Variants in GPC5 observed in about 807,000 individuals in gnomAD.
GPC5 encodes glypican-5.
In GPC5, 47 loss-of-function variants were observed where a neutral mutation model predicts 53.9. That is an observed-to-expected ratio of 0.87 (90% CI 0.69 to 1.11). The LOEUF is 1.11. GPC5 is among the 50% of genes most tolerant of loss of function. The pLI, the probability that GPC5 is intolerant of heterozygous loss-of-function variation, is 0.00. For synonymous variants in GPC5, 286 were observed against 263.3 expected, an observed-to-expected ratio of 1.09 and a Z score of -0.84; for missense variants, 748 against 713.1, an observed-to-expected ratio of 1.05 and a Z score of -0.56.
At chr13:92,749,500 T>C (rs1305877337) in intron 7 of GPC5, among the ~76,000 whole-genome samples, 1 of 152,168 alleles carries the variant, frequency 6.6e-6, no homozygotes, top group Admixed American at 6.5e-5. Flanking sequence ...ATTGATAGTA[T>C]TCTGTTTGAT....
chr13:92,368,896 T>A (rs922920888), intron 7 of GPC5, among the ~76,000 whole-genome samples: 7 of 152,140 alleles, frequency 4.6e-5, no homozygotes, highest in African/African-American at 1.7e-4. Flanking sequence ...GAAGGGTAGT[T>A]ATTGGCTTTC....
At chr13:91,690,342 A>G (rs2035731269) in intron 2 of GPC5, among the ~76,000 whole-genome samples, 1 of 152,144 alleles carries the variant, frequency 6.6e-6, no homozygotes, top group Non-Finnish European at 1.5e-5. Flanking sequence ...TGTTTTAAAG[A>G]ATAAAACTGA....
At chr13:92,539,114 G>A (rs1452450625) in intron 7 of GPC5, among the ~76,000 whole-genome samples, 1 of 146,880 alleles carries the variant, frequency 6.8e-6, no homozygotes, top group Admixed American at 6.9e-5. Context: ...TAATCCTTTG[G>A]GTATATAGTA....
At chr13:92,023,723 A>G (rs1031315493) in intron 6 of GPC5, among the ~76,000 whole-genome samples, 29 of 136,710 alleles carry the variant, frequency 2.1e-4, no homozygotes, top group African/African-American at 7.2e-4. Flanking sequence ...AATTTATTTT[A>G]GTCAAGTTTA....
chr13:92,355,413 G>T (rs2043513720), intron 7 of GPC5, among the ~76,000 whole-genome samples: 1 of 152,076 alleles, frequency 6.6e-6, no homozygotes, highest in African/African-American at 2.4e-5. Context: ...TATCGCCCTT[G>T]TCTTCCCAAC....
At chr13:92,017,473 G>T (rs1003030840) in intron 6 of GPC5, among the ~76,000 whole-genome samples, 2 of 151,950 alleles carry the variant, frequency 1.3e-5, no homozygotes, top group East Asian at 3.9e-4. Flanking sequence ...GTGTCCTTTG[G>T]CAGGTTATCA....
At chr13:92,318,612 TG>T (rs1187962288) in intron 7 of GPC5, among the ~76,000 whole-genome samples, 1 of 152,166 alleles carries the variant, frequency 6.6e-6, no homozygotes, top group Non-Finnish European at 1.5e-5. Context: ...AGCACACCAG[TG>T]GTACATATAT....
chr13:92,236,309 T>G (rs1364253733), intron 7 of GPC5, among the ~76,000 whole-genome samples: 5 of 152,098 alleles, frequency 3.3e-5, no homozygotes, highest in African/African-American at 1.2e-4. Context: ...TAGTCTAAAA[T>G]TGTATGAGAG....
At chr13:92,477,235 T>G (rs1879184909) in intron 7 of GPC5, among the ~76,000 whole-genome samples, 1 of 151,574 alleles carries the variant, frequency 6.6e-6, no homozygotes, top group African/African-American at 2.4e-5. Flanking sequence ...GGGAAAGGGT[T>G]TGGCAGTGAA....
At chr13:91,568,957 G>A (rs899705342) in intron 2 of GPC5, among the ~76,000 whole-genome samples, 16 of 151,908 alleles carry the variant, frequency 1.1e-4, no homozygotes, top group Non-Finnish European at 2.1e-4. Context: ...TACCATGCTG[G>A]CCAGGCTGGT....
chr13:92,232,755 C>T (rs1386090020), intron 7 of GPC5, among the ~76,000 whole-genome samples: 2 of 149,510 alleles, frequency 1.3e-5, no homozygotes. Context: ...ATTAGTGGAT[C>T]TAATCTAAGC....
chr13:92,609,030 G>A (rs1324724058), intron 7 of GPC5, among the ~76,000 whole-genome samples: 1 of 151,804 alleles, frequency 6.6e-6, no homozygotes, highest in Non-Finnish European at 1.5e-5. Flanking sequence ...TCTCCTATAT[G>A]CAGTTTTCCC....
At chr13:92,656,933 G>A (rs774402839) in intron 7 of GPC5, among the ~76,000 whole-genome samples, 13 of 152,144 alleles carry the variant, frequency 8.5e-5, no homozygotes, top group East Asian at 1.9e-4. Flanking sequence ...CTCTCACACC[G>A]CACTCCAGCC....
intron 7 of GPC5, among the ~76,000 whole-genome samples, chr13:92,300,483 A>G (rs948079136): frequency 5.9e-5 from 9 of 152,166 alleles, no homozygotes; most frequent in African/African-American, 1.7e-4. Flanking sequence ...TGATGTTGCT[A>G]TTTCAGGCAC....
chr13:92,238,947 C>T (rs913323069), intron 7 of GPC5, among the ~76,000 whole-genome samples: 1 of 150,528 alleles, frequency 6.6e-6, no homozygotes, highest in Non-Finnish European at 1.5e-5. Flanking sequence ...AGGTAGGGCT[C>T]CAGTTTAATT....
At chr13:92,759,979 T>A (rs190029674) in intron 7 of GPC5, among the ~76,000 whole-genome samples, 22 of 152,228 alleles carry the variant, frequency 1.4e-4, no homozygotes, top group African/African-American at 5.3e-4. Context: ...GATCGTGTGG[T>A]TTTGTTTTTC....
At chr13:91,762,549 G>A (rs1366742450) in intron 5 of GPC5, among the ~76,000 whole-genome samples, 1 of 148,460 alleles carries the variant, frequency 6.7e-6, no homozygotes, top group African/African-American at 2.5e-5. Flanking sequence ...AAGGCAGTAT[G>A]TTCTTTATGA....
chr13:92,285,020 CACT>C, intron 7 of GPC5, among the ~76,000 whole-genome samples: 1 of 152,042 alleles, frequency 6.6e-6, no homozygotes, highest in African/African-American at 2.4e-5. Context: ...AATCTCTTTA[CACT>C]GATAAGCAAC....
At chr13:92,692,701 A>G (rs2139236307) in intron 7 of GPC5, among the ~76,000 whole-genome samples, 1 of 146,676 alleles carries the variant, frequency 6.8e-6, no homozygotes, top group South Asian at 2.2e-4. Flanking sequence ...AAAAAACAAA[A>G]CAAAACAGTG....
Sources: allele counts gnomAD v4.1 joint callset (sites outside exome capture counted in the v4.1 genomes callset), GRCh38; gene constraint gnomAD v4.1.1; transcripts MANE v1.5; gene names NCBI Gene and HGNC (gene_info 2026-07-23, HGNC 2026-07-21).